TGFB1: variants seen among roughly 807,000 people sequenced by gnomAD.
TGFB1 encodes transforming growth factor beta 1.
Under a neutral mutation model 43.8 loss-of-function variants are expected in TGFB1, and 19 were observed. The observed-to-expected ratio is 0.43, with a 90% CI of 0.30 to 0.64. TGFB1 has a LOEUF of 0.64. TGFB1 is among the 30% of genes least tolerant of loss of function. TGFB1 has a pLI of 0.11. For missense variants in TGFB1, 445 were observed against 529.8 expected (o/e 0.84, Z 1.57); for synonymous variants, 221 against 236.3 (o/e 0.94, Z 0.60).
In TGFB1 at chr19:41,331,211, C is replaced by A; in HGVS notation, c.1015-1G>T. ...TATGCTGGTTGTACAGGGCCAGGACCTGCGGGCGGCGGGCGGGGTCAGGGC... is the reference window on the plus strand; with the variant it reads ...TATGCTGGTTGTACAGGGCCAGGACATGCGGGCGGCGGGCGGGGTCAGGGC... On this transcript the variant is annotated splice_acceptor_variant, in intron 6 of 6. Coordinates refer to ENST00000221930, the MANE Select transcript of TGFB1 (RefSeq NM_000660.7). LOFTEE classifies it high-confidence loss of function. 1 of 1,516,614 alleles carries A rather than the reference C, an allele frequency of 6.6e-7. No individual in the cohort carries two copies. The highest frequency in any genetic ancestry group is 2.5e-5 in the East Asian group (1 of 39,930). 93.9% of individuals were successfully genotyped at this position (1,516,614 alleles called of 1,614,324 possible). A position where few individuals can be genotyped will look rare whatever the true frequency, so the allele number is the denominator to read the frequency against.
chr19:41,331,239 A>G, intron 6 of TGFB1, 29 bp from the exon 7 acceptor site: 1 of 1,489,344 alleles, frequency 6.7e-7, no homozygotes, highest in Non-Finnish European at 8.9e-7. Context: ...GTCAGGGCTC[A>G]GGGCTCGTGG....
intron 2 of TGFB1, among the ~76,000 whole-genome samples, chr19:41,345,387 T>G (rs1479294258): frequency 6.7e-6 from 1 of 149,288 alleles, no homozygotes; most frequent in Non-Finnish European, 1.5e-5. Flanking sequence ...GTCGCCACTA[T>G]TTGGGAGGCT....
At position 41,331,042 on chromosome 19, in the gene TGFB1, G is replaced by GGGCGC. The variant is rs770027604; in HGVS notation, c.*9_*10insGCGCC. ...GGGCCTGCCGGGGCGGGGCGGGGCG[G>GGGCGC]GGCGGGACCTCAGCTGCACTTGCAG... On this transcript the variant is annotated 3_prime_UTR_variant, in exon 7 of 7. Coordinates refer to ENST00000221930, the MANE Select transcript of TGFB1 (RefSeq NM_000660.7). The GGGCGC allele has an allele frequency of 1.3e-6, 2 of 1,538,974 alleles. No individual in the cohort carries two copies. Among genetic ancestry groups the GGGCGC allele is most frequent in the East Asian group, 2.4e-5 (1 of 41,060 alleles).
chr19:41,331,569 T>C (rs1278190236), intron 6 of TGFB1, among the ~76,000 whole-genome samples: 1 of 94,890 alleles, frequency 1.1e-5, no homozygotes, highest in Non-Finnish European at 2.1e-5. Context: ...CTCCTAGCTT[T>C]TTTTTTTTTT....
chr19:41,340,169 G>A (rs1345448880), intron 5 of TGFB1, among the ~76,000 whole-genome samples: 1 of 150,938 alleles, frequency 6.6e-6, no homozygotes, highest in Non-Finnish European at 1.5e-5. Context: ...TGGCATTCCT[G>A]AATTCCAGTA....
At chr19:41,341,616 G>A (rs1170527632) in intron 5 of TGFB1, among the ~76,000 whole-genome samples, 1 of 151,878 alleles carries the variant, frequency 6.6e-6, no homozygotes, top group African/African-American at 2.4e-5. Context: ...CACCATGTTG[G>A]CCAGACAGGT....
At chr19:41,352,344 C>T (rs1031723823) in intron 1 of TGFB1, among the ~76,000 whole-genome samples, 4 of 14,262 alleles carry the variant, frequency 2.8e-4, no homozygotes, top group Admixed American at 4.2e-4. Flanking sequence ...CACCCCACGA[C>T]CCCCCCCCCC....
chr19:41,331,283 C>T, intron 6 of TGFB1, 73 bp from the exon 7 acceptor site: 2 of 1,421,242 alleles, frequency 1.4e-6, no homozygotes, highest in Admixed American at 2.8e-5. Flanking sequence ...GCCCCATCCC[C>T]CACCCGCTAC....
chr19:41,334,503 A>G (rs2037969096), intron 5 of TGFB1, among the ~76,000 whole-genome samples: 1 of 128,366 alleles, frequency 7.8e-6, no homozygotes, highest in Non-Finnish European at 1.6e-5. Context: ...ATCTTGGCTC[A>G]CTGCAACCTC....
intron 5 of TGFB1, among the ~76,000 whole-genome samples, chr19:41,336,386 CTTTT>C (rs60810325): frequency 3.7e-5 from 5 of 134,564 alleles, no homozygotes; most frequent in Admixed American, 7.5e-5. Context: ...TCCACTATCT[CTTTT>C]TTTTTTTTTT....
In TGFB1 at chr19:41,353,620, A is replaced by G. The variant is rs2038245425; in HGVS notation, c.-576T>C. The G allele has an allele frequency of 6.6e-6, 1 of 152,486 alleles. No homozygotes were observed. Among genetic ancestry groups the G allele is most frequent in the Non-Finnish European group, 1.5e-5 (1 of 68,234 alleles). The allele number at this position is 152,486 out of a possible 1,614,324, so 9.4% of individuals were successfully genotyped here. On this transcript the variant is annotated 5_prime_UTR_variant, in exon 1 of 7. Coordinates refer to ENST00000221930, the MANE Select transcript of TGFB1 (RefSeq NM_000660.7). The surrounding 1 kb of genome is among the most constrained non-coding windows in gnomAD (Gnocchi z 5.9). Reference sequence around the variant, plus strand: ...GCCTCCGGCTCCCAGCGGCAACGGAAAAGTCTCAAAAGTTTTTTTCCTCTT... The same window carrying G: ...GCCTCCGGCTCCCAGCGGCAACGGAGAAGTCTCAAAAGTTTTTTTCCTCTT...
At chr19:41,345,651 C>T (rs1268746317) in intron 2 of TGFB1, among the ~76,000 whole-genome samples, 1 of 151,998 alleles carries the variant, frequency 6.6e-6, no homozygotes, top group Non-Finnish European at 1.5e-5. Context: ...CCTGTTATCC[C>T]AGCACTTTGG....
At chr19:41,346,499 A>G (rs148292179) in intron 2 of TGFB1, among the ~76,000 whole-genome samples, 2,258 of 152,256 alleles carry the variant, frequency 0.015, 31 homozygotes, top group Admixed American at 0.024. Context: ...CTACCATCCT[A>G]TGAGTTAACA....
At chr19:41,338,171 G>A (rs563938150) in intron 5 of TGFB1, among the ~76,000 whole-genome samples, 15 of 150,548 alleles carry the variant, frequency 1.0e-4, no homozygotes, top group Admixed American at 4.7e-4. Context: ...CAGCCTGGGT[G>A]ACACAGCTAG....
At chr19:41,340,873 T>C (rs372915151) in intron 5 of TGFB1, among the ~76,000 whole-genome samples, 1 of 152,272 alleles carries the variant, frequency 6.6e-6, no homozygotes, top group East Asian at 1.9e-4. Context: ...GAGTCCGACA[T>C]TTTCCATTTC....
Position 41,342,065 on chromosome 19 carries a change from T to C in TGFB1, c.713-35A>G, listed in dbSNP as rs139080695. 6.0e-5 allele frequency: 97 copies of C among 1,613,896 alleles called. No homozygotes were observed. In the African/African-American group the frequency reaches 1.1e-3, roughly 18 times the overall value. ...TGTGGGAGTCAGGGGATAGGGGACA[T>C]ACACACACACTCTCAGAGGGATAGA... On this transcript the variant is annotated intron_variant, in intron 4 of 6. Transcript: ENST00000221930.
At chr19:41,343,574 G>A (rs551347518) in intron 3 of TGFB1, among the ~76,000 whole-genome samples, 2 of 151,890 alleles carry the variant, frequency 1.3e-5, no homozygotes, top group African/African-American at 2.4e-5. Flanking sequence ...CACTTAGGGC[G>A]TTCCCCCATC....
chr19:41,332,140 C>T lies in TGFB1; in HGVS notation c.1002G>A (p.Thr334=), dbSNP rs1228822072. ...GPCPYIWSLD[T]QYSKVLALYN... is the part of the protein sequence containing the mutation. ...GGGCCAGACGTACCTTGCTGTACTG[C>T]GTGTCCAGGCTCCAAATGTAGGGGC... The change falls in exon 6 of 7, where the codon ACG becomes ACA. Residue 334 remains threonine (T), a synonymous_variant. Coordinates refer to ENST00000221930, the MANE Select transcript of TGFB1 (RefSeq NM_000660.7). 3.1e-6 allele frequency: 5 copies of T among 1,613,812 alleles called. No homozygotes were observed. The highest frequency in any genetic ancestry group is 2.2e-5 in the East Asian group (1 of 44,888).
intron 5 of TGFB1, among the ~76,000 whole-genome samples, chr19:41,334,470 C>T (rs1410616049): frequency 2.1e-5 from 3 of 145,108 alleles, no homozygotes; most frequent in African/African-American, 7.7e-5. Context: ...GCTCCGTCAC[C>T]CAGGCTGGAG....
Sources: allele counts gnomAD v4.1 joint callset (sites outside exome capture counted in the v4.1 genomes callset), GRCh38; gene constraint gnomAD v4.1.1; non-coding constraint Gnocchi (gnomAD v3.1); transcripts MANE v1.5; gene names NCBI Gene and HGNC (gene_info 2026-07-23, HGNC 2026-07-21).